CACNG8: variants seen among roughly 807,000 people sequenced by gnomAD.
The protein encoded by CACNG8 is voltage-dependent calcium channel gamma-8 subunit.
A neutral mutation model predicts 26.9 loss-of-function variants in CACNG8; 5 were observed. That is an observed-to-expected ratio of 0.19 (90% CI 0.10 to 0.39). The LOEUF is 0.39. Ranked by LOEUF, CACNG8 falls within the 10% of genes least tolerant of loss-of-function variation. The pLI is 1.00. For missense variants in CACNG8, 473 were observed against 609.4 expected (o/e 0.78, Z 2.36); for synonymous variants, 321 against 296.7 (o/e 1.08, Z -0.84).
chr19:53,974,063 C>T (rs896478078), intron 1 of CACNG8, among the ~76,000 whole-genome samples: 7 of 152,180 alleles, frequency 4.6e-5, no homozygotes, highest in African/African-American at 1.7e-4. Context: ...ATTTCCAGAA[C>T]TCTTTTCGTC....
rs916323292 is a variant in CACNG8 at position 53,989,258 on chromosome 19, C to T, written c.*6409C>T. On this transcript the variant is annotated 3_prime_UTR_variant, in exon 4 of 4. Coordinates refer to ENST00000270458, the MANE Select transcript of CACNG8 (RefSeq NM_031895.6). ...CTTCAGGCTGGGCCACAGAGCAAGA[C>T]CCTGTCTCAGAAAACAGAAAGAAAG... 1.3e-5 allele frequency: 2 copies of T among 152,168 alleles called. No homozygotes were observed. Among genetic ancestry groups the T allele is most frequent in the African/African-American group, 4.8e-5 (2 of 41,372 alleles). 9.4% of individuals were successfully genotyped at this position (152,168 alleles called of 1,614,324 possible). A position where few individuals can be genotyped will look rare whatever the true frequency, so the allele number is the denominator to read the frequency against.
chr19:53,965,448 T>C (rs927280782), intron 1 of CACNG8, among the ~76,000 whole-genome samples: 1 of 151,848 alleles, frequency 6.6e-6, no homozygotes, highest in Non-Finnish European at 1.5e-5. Flanking sequence ...CTGTGGAAGT[T>C]TGAGTTCATG....
intron 2 of CACNG8, among the ~76,000 whole-genome samples, chr19:53,979,205 G>GT (rs1381935202): frequency 7.4e-6 from 1 of 136,006 alleles, no homozygotes; most frequent in Admixed American, 7.6e-5. Flanking sequence ...AAAAAGCGGG[G>GT]TGGGGGGGGA....
intron 3 of CACNG8, among the ~76,000 whole-genome samples, chr19:53,980,385 G>A (rs1044042076): frequency 7.2e-5 from 11 of 152,090 alleles, no homozygotes; most frequent in Non-Finnish European, 1.5e-5. Flanking sequence ...ATAGAGAGGC[G>A]GGGCTGGGTC....
chr19:53,976,094 C>T (rs1568799989), intron 1 of CACNG8, among the ~76,000 whole-genome samples: 1 of 152,248 alleles, frequency 6.6e-6, no homozygotes, highest in East Asian at 1.9e-4. Flanking sequence ...CCTGTAGTCC[C>T]AGCACTTTTG....
chr19:53,971,019 C>A (rs1002101722), intron 1 of CACNG8, among the ~76,000 whole-genome samples: 1 of 151,110 alleles, frequency 6.6e-6, no homozygotes, highest in Non-Finnish European at 1.5e-5. Flanking sequence ...AGGCTGGGCA[C>A]GGTGGCTCAC....
chr19:53,968,383 C>CA lies in CACNG8; in HGVS notation c.283+4969dup, dbSNP rs935483937. Among the ~76,000 whole-genome samples, 256 of 133,772 alleles carry CA rather than the reference C, an allele frequency of 1.9e-3. 1 individual carries two copies. Among genetic ancestry groups the CA allele is most frequent in the East Asian group, 0.018 (84 of 4,686 alleles). 87.8% of individuals were successfully genotyped at this position (133,772 alleles called of 152,430 possible). ...GGGCAAGACCCCATCTCAAAAAAAA[C>CA]AAAAAAAAAAAGAGAGAGAAGAGAC... On this transcript the variant is annotated intron_variant, in intron 1 of 3. Transcript: ENST00000270458.
rs1330954292 is a variant in CACNG8 at position 53,982,985 on chromosome 19, C to G, written c.*136C>G. 3 of 434,192 alleles carry G rather than the reference C, an allele frequency of 6.9e-6. No individual in the cohort carries two copies. Among genetic ancestry groups the G allele is most frequent in the Non-Finnish European group, 1.0e-5 (3 of 286,460 alleles). The allele number at this position is 434,192 out of a possible 1,614,324, so 26.9% of individuals were successfully genotyped here. A position where few individuals can be genotyped will look rare whatever the true frequency, so the allele number is the denominator to read the frequency against. ...GACTGCTGGGCCCGCCCCACGCCCA[C>G]CCTCCCCGCCCCCCTCCCCCTCCGA... On this transcript the variant is annotated 3_prime_UTR_variant, in exon 4 of 4. Coordinates refer to ENST00000270458, the MANE Select transcript of CACNG8 (RefSeq NM_031895.6). The surrounding 1 kb of genome is among the most constrained non-coding windows in gnomAD (Gnocchi z 8.4).
At chr19:53,978,431 C>T (rs1175731226) in intron 2 of CACNG8, among the ~76,000 whole-genome samples, 1 of 152,146 alleles carries the variant, frequency 6.6e-6, no homozygotes, top group African/African-American at 2.4e-5. Flanking sequence ...GCCCCCTCCT[C>T]TCACCTTGGG....
In CACNG8 at chr19:53,978,242, C is replaced by T. The variant is rs1401731040; in HGVS notation, c.367+13C>T. The stretch of plus-strand genomic sequence containing the variant: ...GAGTATCTACTCCGTACGTGGGGGT[C>T]CGGGACAGACGTGGGGAGTGGGTCA... On this transcript the variant is annotated intron_variant, in intron 2 of 3. Coordinates refer to ENST00000270458, the MANE Select transcript of CACNG8 (RefSeq NM_031895.6). The T allele has an allele frequency of 1.9e-6, 3 of 1,607,172 alleles. No individual in the cohort carries two copies. The highest frequency in any genetic ancestry group is 2.6e-6 in the Non-Finnish European group (3 of 1,175,834).
At chr19:53,978,343 C>A in intron 2 of CACNG8, 114 bp downstream of exon 2, 1 of 730,934 alleles carries the variant, frequency 1.4e-6, no homozygotes, top group Non-Finnish European at 2.4e-6. Context: ...ATCGACACGC[C>A]GAGGTTAGCC....
chr19:53,981,325 G>A (rs1416078275), intron 3 of CACNG8, among the ~76,000 whole-genome samples: 1 of 151,840 alleles, frequency 6.6e-6, no homozygotes, highest in Non-Finnish European at 1.5e-5. Flanking sequence ...CTCATCAAAG[G>A]TGGGTTTTAG....
intron 1 of CACNG8, among the ~76,000 whole-genome samples, chr19:53,965,521 AG>A (rs1465918148): frequency 6.6e-6 from 1 of 151,292 alleles, no homozygotes. Context: ...CCATCATGGG[AG>A]CCCTAGGACA....
At chr19:53,979,211 G>GA (rs1015768969) in intron 2 of CACNG8, among the ~76,000 whole-genome samples, 2 of 144,294 alleles carry the variant, frequency 1.4e-5, no homozygotes, top group Non-Finnish European at 3.0e-5. Flanking sequence ...CGGGGTGGGG[G>GA]GGGACCTATG....
At chr19:53,977,901 G>A (rs894912953) in intron 1 of CACNG8, among the ~76,000 whole-genome samples, 3 of 152,198 alleles carry the variant, frequency 2.0e-5, no homozygotes, top group Non-Finnish European at 4.4e-5. Flanking sequence ...AGTGCTGCAA[G>A]GATGTTAGAC....
In CACNG8 at chr19:53,979,955, C is replaced by G; in HGVS notation, c.456C>G (p.Tyr152Ter). Residue 152 changes from tyrosine (Y) to a stop codon, truncating the protein, a stop_gained, in exon 3 of 4, where the codon TAC becomes TAG. Coordinates refer to ENST00000270458, the MANE Select transcript of CACNG8 (RefSeq NM_031895.6). LOFTEE classifies it high-confidence loss of function. The stretch of plus-strand genomic sequence containing the variant: ...TGTGCGTGGCGGCCTCCCGCGTCTA[C>G]AAGTCCAAGAGGAACATCATTCTGG... The G allele has an allele frequency of 6.2e-7, 1 of 1,612,912 alleles. No individual in the cohort carries two copies. The highest frequency in any genetic ancestry group is 8.5e-7 in the Non-Finnish European group (1 of 1,179,506).
intron 1 of CACNG8, among the ~76,000 whole-genome samples, chr19:53,976,883 G>A (rs970515256): frequency 2.6e-5 from 4 of 152,150 alleles, no homozygotes; most frequent in Admixed American, 1.3e-4. Context: ...ATGTTGGTCA[G>A]GCTGGTCTTG....
At chr19:53,966,334 C>A (rs148438781) in intron 1 of CACNG8, among the ~76,000 whole-genome samples, 3,798 of 152,048 alleles carry the variant, frequency 0.025, 151 homozygotes, top group African/African-American at 0.088. Context: ...GTGATTGGCC[C>A]GCCTAGGCCT....
chr19:53,969,638 G>C (rs1241723238), intron 1 of CACNG8, among the ~76,000 whole-genome samples: 2 of 152,028 alleles, frequency 1.3e-5, no homozygotes, highest in African/African-American at 4.8e-5. Context: ...TCAGCCCATC[G>C]GGGCTCCAGG....
Sources: allele counts gnomAD v4.1 joint callset (sites outside exome capture counted in the v4.1 genomes callset), GRCh38; gene constraint gnomAD v4.1.1; non-coding constraint Gnocchi (gnomAD v3.1); transcripts MANE v1.5; gene names NCBI Gene and HGNC (gene_info 2026-07-23, HGNC 2026-07-21).